The following FANCI variants were observed in gnomAD, a reference collection of about 807,000 sequenced individuals.
FANCI encodes the protein FA complementation group I.
In FANCI, 156 loss-of-function variants were observed where a neutral mutation model predicts 176.1. The ratio of observed to expected loss-of-function variants is 0.89; its 90% CI spans 0.78 to 1.01. The LOEUF (loss-of-function observed/expected upper bound fraction) is 1.01, where lower values mean the gene tolerates loss of function less well. Ranked by LOEUF, FANCI falls within the 50% of genes least tolerant of loss-of-function variation. The pLI is 0.00. For missense variants in FANCI, 1,678 were observed against 1,534.1 expected (o/e 1.09, Z -1.57); for synonymous variants, 613 against 541.7 (o/e 1.13, Z -1.83).
chr15:89,290,316 AC>A, intron 19 of FANCI, 35 bp downstream of exon 19: 1 of 1,499,040 alleles, frequency 6.7e-7, no homozygotes, highest in Non-Finnish European at 9.3e-7. Flanking sequence ...TGGAAAACAG[AC>A]CATCAAGGAT....
chr15:89,316,704 A>C lies in FANCI; in HGVS notation c.*245A>C. 2.1e-6 allele frequency: 3 copies of C among 1,396,680 alleles called. No homozygotes were observed. Among genetic ancestry groups the C allele is most frequent in the Non-Finnish European group, 3.1e-6 (3 of 982,768 alleles). 86.5% of individuals were successfully genotyped at this position (1,396,680 alleles called of 1,614,324 possible). On this transcript the variant is annotated 3_prime_UTR_variant, in exon 38 of 38. Coordinates refer to ENST00000310775, the MANE Select transcript of FANCI (RefSeq NM_001113378.2). ...AAGCCTGAGTTTGGGAGCCTGCACC[A>C]CCCCGATGAAGCTCCACGGGAGCAA...
At chr15:89,310,661 G>A (rs1041680228) in intron 34 of FANCI, among the ~76,000 whole-genome samples, 1 of 152,218 alleles carries the variant, frequency 6.6e-6, no homozygotes, top group African/African-American at 2.4e-5. Flanking sequence ...ATTAACTCCA[G>A]CTCTTAACTA....
intron 29 of FANCI, 45 bp from the exon 30 acceptor site, chr15:89,305,296 A>C (rs1339801892): frequency 2.5e-6 from 4 of 1,614,022 alleles, no homozygotes; most frequent in African/African-American, 2.7e-5. Flanking sequence ...GGGTCAAGGG[A>C]ACAACCTTAC....
intron 2 of FANCI, among the ~76,000 whole-genome samples, chr15:89,255,378 T>C (rs1205585558): frequency 2.0e-5 from 3 of 152,180 alleles, no homozygotes; most frequent in Admixed American, 1.3e-4. Context: ...TCTGCTGGGC[T>C]TTTCCATTTT....
intron 10 of FANCI, among the ~76,000 whole-genome samples, chr15:89,270,651 T>G (rs922330436): frequency 2.6e-5 from 4 of 152,370 alleles, no homozygotes; most frequent in Admixed American, 2.6e-4. Flanking sequence ...CCCTATTGTT[T>G]TGAATATCAT....
intron 34 of FANCI, among the ~76,000 whole-genome samples, chr15:89,309,923 T>C (rs1011742454): frequency 6.6e-6 from 1 of 152,242 alleles, no homozygotes; most frequent in African/African-American, 2.4e-5. Flanking sequence ...AATAATTTTA[T>C]TAGAACAGGT....
At chr15:89,244,944 T>C (rs2051878850) in intron 1 of FANCI, among the ~76,000 whole-genome samples, 1 of 152,184 alleles carries the variant, frequency 6.6e-6, no homozygotes, top group Admixed American at 6.5e-5. Flanking sequence ...GTTACCTAGT[T>C]TGAGCTAGGT....
intron 19 of FANCI, among the ~76,000 whole-genome samples, chr15:89,291,279 TA>T (rs561506789): frequency 6.6e-6 from 1 of 152,276 alleles, no homozygotes; most frequent in South Asian, 2.1e-4. Flanking sequence ...AAACCAGTAA[TA>T]AGTAGTGGTA....
chr15:89,297,433 G>A (rs1420068354), intron 24 of FANCI, among the ~76,000 whole-genome samples: 4 of 151,602 alleles, frequency 2.6e-5, no homozygotes, highest in East Asian at 2.0e-4. Flanking sequence ...AGGTTGTAGC[G>A]AGCCGAGATC....
At chr15:89,244,607 A>G (rs2051861839) in intron 1 of FANCI, among the ~76,000 whole-genome samples, 1 of 152,062 alleles carries the variant, frequency 6.6e-6, no homozygotes, top group African/African-American at 2.4e-5. Flanking sequence ...ATTTAAACGT[A>G]TCCCCCTCCG....
intron 6 of FANCI, 48 bp downstream of exon 6, chr15:89,261,926 A>C: frequency 6.4e-7 from 1 of 1,557,542 alleles, no homozygotes; most frequent in East Asian, 2.2e-5. Context: ...CAAGTGGCGG[A>C]AAAAAAACCA....
chr15:89,277,010 G>C, intron 13 of FANCI, 119 bp downstream of exon 13: 5 of 967,700 alleles, frequency 5.2e-6, no homozygotes, highest in Non-Finnish European at 5.0e-6. Flanking sequence ...TTTGACAGAG[G>C]ATATATGACA....
chr15:89,278,616 C>A, intron 13 of FANCI, 71 bp from the exon 14 acceptor site: 1 of 1,101,506 alleles, frequency 9.1e-7, no homozygotes, highest in Non-Finnish European at 1.4e-6. Flanking sequence ...TTCATGCTGC[C>A]TGACATGCAT....
Position 89,257,928 on chromosome 15 carries a change from C to G in FANCI, c.85-776C>G, listed in dbSNP as rs147128930. 2.7e-3 allele frequency among the ~76,000 whole-genome samples: 410 copies of G among 152,322 alleles called. 8 individuals are homozygous for G. The highest frequency in any genetic ancestry group is 0.015 in the East Asian group (76 of 5,188). On this transcript the variant is annotated intron_variant, in intron 2 of 37. Coordinates refer to ENST00000310775, the MANE Select transcript of FANCI (RefSeq NM_001113378.2). ...CTATCATCCCATTTCCTTCTTTTCT[C>G]TTTAGTAACTTCCGTTGCACTTAGA... is the stretch of plus-strand genomic sequence containing the variant.
At chr15:89,283,302 C>T (rs757611519) in intron 17 of FANCI, 52 bp downstream of exon 17, 5 of 1,610,892 alleles carry the variant, frequency 3.1e-6, no homozygotes, top group Admixed American at 1.7e-5. Context: ...TCATGTGCAT[C>T]GATGAAATGC....
intron 12 of FANCI, among the ~76,000 whole-genome samples, chr15:89,275,237 C>T (rs2053367698): frequency 6.6e-6 from 1 of 152,002 alleles, no homozygotes; most frequent in East Asian, 1.9e-4. Context: ...GACTCATGGC[C>T]TCTTTTTAAA....
intron 28 of FANCI, among the ~76,000 whole-genome samples, chr15:89,304,903 A>G (rs1474333260): frequency 6.6e-6 from 1 of 152,138 alleles, no homozygotes; most frequent in African/African-American, 2.4e-5. Flanking sequence ...CAGCCTCCCA[A>G]GTAGCTGGGA....
rs1376947158 is a variant in FANCI, at chr15:89,263,921, A to G, written c.564A>G (p.Ala188=). The change falls in exon 8 of 38, where the codon GCA becomes GCG. Residue 188 remains alanine (A), a synonymous_variant. Transcript: ENST00000310775. ...TSMFKDVPLT[A]EEVEFVVEKA... ...TCCACAGGGATGTCCCTCTGACTGC[A>G]GAAGAGGTGGAATTTGTGGTGGAAA... 1.9e-6 allele frequency: 3 copies of G among 1,614,102 alleles called. No individual in the cohort carries two copies. The highest frequency in any genetic ancestry group is 1.7e-5 in the Admixed American group (1 of 60,028).
Position 89,278,745 on chromosome 15 carries a change from G to C in FANCI, c.1352G>C (p.Arg451Thr). The C allele has an allele frequency of 6.2e-7, 1 of 1,613,822 alleles. No individual in the cohort carries two copies. ...CAGGTCCTCAACAGGGTTGTTACCA[G>C]AGCATCTTCTCCCATCAGTCATTTC... The part of the protein sequence containing the change: ...LEQVLNRVVT[R>T]ASSPISHFLD... The change falls in exon 14 of 38, where the codon AGA becomes ACA. Residue 451 changes from arginine (R) to threonine (T), a missense_variant. Around this residue, in one of 3 missense-constraint regions of FANCI, gnomAD observed 1,204 missense variants for 1,077.4 expected, o/e 1.12. Coordinates refer to ENST00000310775, the MANE Select transcript of FANCI (RefSeq NM_001113378.2).
Sources: allele counts gnomAD v4.1 joint callset (sites outside exome capture counted in the v4.1 genomes callset), GRCh38; gene constraint gnomAD v4.1.1; regional missense constraint gnomAD v4.1.1; transcripts MANE v1.5; gene names NCBI Gene and HGNC (gene_info 2026-07-23, HGNC 2026-07-21).